Variants in MET observed in about 807,000 individuals in gnomAD.
MET encodes MET proto-oncogene, receptor tyrosine kinase.
MET carries 48 observed loss-of-function variants against 133.1 expected under a neutral mutation model. The observed-to-expected ratio is 0.36, with a 90% CI of 0.29 to 0.46. The LOEUF (loss-of-function observed/expected upper bound fraction) is 0.46, where lower values mean the gene tolerates loss of function less well. MET is among the 20% of genes least tolerant of loss of function. The pLI is 1.00. For missense variants in MET, 1,442 were observed against 1,695.9 expected (o/e 0.85, Z 2.63); for synonymous variants, 628 against 616.5 (o/e 1.02, Z -0.28).
intron 5 of MET, among the ~76,000 whole-genome samples, chr7:116,745,624 C>T (rs1392471361): frequency 6.6e-6 from 1 of 152,100 alleles, no homozygotes; most frequent in East Asian, 1.9e-4. Flanking sequence ...GAAATAATAC[C>T]ACACATCTAC....
chr7:116,788,215 C>G (rs1013790639), intron 19 of MET, among the ~76,000 whole-genome samples: 2 of 152,136 alleles, frequency 1.3e-5, no homozygotes, highest in Non-Finnish European at 2.9e-5. Context: ...AGGGAATTTT[C>G]TGGAATGTTG....
Position 116,687,865 on chromosome 7 carries a change from TTG to T in MET, c.-14-11204_-14-11203del, listed in dbSNP as rs1796616832. Among the ~76,000 whole-genome samples, 3 of 152,198 alleles carry T rather than the reference TTG, an allele frequency of 2.0e-5. 1 individual carries two copies. Among genetic ancestry groups the T allele is most frequent in the Admixed American group, 2.0e-4 (3 of 15,286 alleles). ...TTTGGCACCCTCACACCTCTCCCCT[TTG>T]TCTCTCTGTCCCTGGGTGCTGATTT... On this transcript the variant is annotated intron_variant, in intron 1 of 20. Coordinates refer to ENST00000397752, the MANE Select transcript of MET (RefSeq NM_000245.4).
chr7:116,720,481 T>G (rs1057159493), intron 2 of MET, among the ~76,000 whole-genome samples: 3 of 136,632 alleles, frequency 2.2e-5, no homozygotes, highest in African/African-American at 9.0e-5. Flanking sequence ...CTTTATTTCC[T>G]TCTCCTGCCT....
chr7:116,702,799 A>G (rs1053553454), intron 2 of MET, among the ~76,000 whole-genome samples: 1 of 152,160 alleles, frequency 6.6e-6, no homozygotes. Context: ...GTGTTGACAC[A>G]TTGCTGAAAG....
intron 11 of MET, among the ~76,000 whole-genome samples, chr7:116,767,931 T>C (rs1244207504): frequency 2.0e-5 from 3 of 150,986 alleles, no homozygotes; most frequent in Non-Finnish European, 4.4e-5. Flanking sequence ...ATCACTTTTG[T>C]AATATCTGGG....
intron 5 of MET, among the ~76,000 whole-genome samples, chr7:116,744,447 A>C (rs1009187351): frequency 2.0e-5 from 3 of 152,236 alleles, no homozygotes; most frequent in African/African-American, 7.2e-5. Context: ...TCAGAGATTG[A>C]ATATCAACTT....
At chr7:116,688,241 T>A (rs907688326) in intron 1 of MET, among the ~76,000 whole-genome samples, 80 of 152,114 alleles carry the variant, frequency 5.3e-4, no homozygotes, top group Middle Eastern at 3.2e-3. Context: ...TTTTTTTTTT[T>A]AATATATAGA....
intron 19 of MET, among the ~76,000 whole-genome samples, chr7:116,792,456 GACACACAC>G (rs56212730): frequency 0.4 from 31,981 of 80,610 alleles, 6,477 homozygotes; most frequent in South Asian, 0.51. Context: ...TCAACCGACA[GACACACAC>G]ACACACACAC....
intron 15 of MET, among the ~76,000 whole-genome samples, chr7:116,775,521 T>A (rs1794965784): frequency 1.3e-5 from 2 of 152,144 alleles, no homozygotes; most frequent in East Asian, 3.9e-4. Flanking sequence ...CTGGCCAACA[T>A]GGCAAAACCC....
rs530336927 is a variant in MET at position 116,734,064 on chromosome 7, A to G, written c.1392+2205A>G. Among the ~76,000 whole-genome samples the G allele has an allele frequency of 2.0e-5, 3 of 152,340 alleles. No homozygotes were observed. The East Asian group carries it at 5.8e-4, about 29-fold the overall frequency. On this transcript the variant is annotated intron_variant, in intron 3 of 20. Transcript: ENST00000397752. ...GAGGAGTCAGGAGTGGAGCACAGATATGGCAACCTCCCACTTTAATCTGTC... is the reference window on the plus strand; with the variant it reads ...GAGGAGTCAGGAGTGGAGCACAGATGTGGCAACCTCCCACTTTAATCTGTC...
intron 19 of MET, among the ~76,000 whole-genome samples, chr7:116,793,004 G>A (rs190300865): frequency 6.6e-6 from 1 of 152,244 alleles, no homozygotes; most frequent in East Asian, 1.9e-4. Flanking sequence ...CTTCCGTATT[G>A]TAGGTATGCA....
At chr7:116,741,067 G>GTTTTTTTTTTTTTTTTTTGTTTTGTT in intron 5 of MET, 42 bp downstream of exon 5, 1 of 1,348,778 alleles carries the variant, frequency 7.4e-7, no homozygotes, top group Non-Finnish European at 1.0e-6. Context: ...TTTGTTTGGT[G>GTTTTTTTTTTTTTTTTTTGTTTTGTT]TTTTTTTTTT....
At chr7:116,775,895 G>C (rs1374300579) in intron 15 of MET, among the ~76,000 whole-genome samples, 1 of 152,062 alleles carries the variant, frequency 6.6e-6, no homozygotes, top group Non-Finnish European at 1.5e-5. Context: ...CTGATCTAAA[G>C]CAACATATAT....
At chr7:116,795,839 G>A (rs2117109798) in intron 20 of MET, 48 bp downstream of exon 20, 2 of 1,614,136 alleles carry the variant, frequency 1.2e-6, no homozygotes, top group South Asian at 1.1e-5. Context: ...TTACAGAAAT[G>A]CCTGCCTTCA....
chr7:116,755,045 G>A (rs527599112), intron 5 of MET, among the ~76,000 whole-genome samples: 23 of 144,332 alleles, frequency 1.6e-4, no homozygotes, highest in Admixed American at 2.8e-4. Flanking sequence ...AGAAAGAAAA[G>A]AAAGAAAGAA....
chr7:116,705,175 A>G (rs1791739783), intron 2 of MET, among the ~76,000 whole-genome samples: 1 of 152,142 alleles, frequency 6.6e-6, no homozygotes, highest in Admixed American at 6.6e-5. Flanking sequence ...TAAAGATGAT[A>G]GATGAGTAAA....
At chr7:116,792,613 A>G (rs1470135868) in intron 19 of MET, among the ~76,000 whole-genome samples, 1 of 152,062 alleles carries the variant, frequency 6.6e-6, no homozygotes, top group Non-Finnish European at 1.5e-5. Flanking sequence ...TGTGGAGTGC[A>G]GACAATACAA....
Position 116,672,390 on chromosome 7 carries a change from G to C in MET, c.-202G>C. The C allele has an allele frequency of 2.7e-6, 1 of 376,904 alleles. No individual in the cohort carries two copies. The highest frequency in any genetic ancestry group is 4.7e-6 in the Non-Finnish European group (1 of 211,948). The allele number at this position is 376,904 out of a possible 1,614,324, so 23.3% of individuals were successfully genotyped here. A position where few individuals can be genotyped will look rare whatever the true frequency, so the allele number is the denominator to read the frequency against. ...GCGGGGCGCTGGGCTCAGCCCGGCC[G>C]CAGGTGACCCGGAGGCCCTCGCCGC... is the stretch of plus-strand genomic sequence containing the variant. On this transcript the variant is annotated 5_prime_UTR_variant, in exon 1 of 21. Coordinates refer to ENST00000397752, the MANE Select transcript of MET (RefSeq NM_000245.4).
chr7:116,696,070 T>A (rs1206254695), intron 1 of MET, among the ~76,000 whole-genome samples: 1 of 152,076 alleles, frequency 6.6e-6, no homozygotes, highest in Non-Finnish European at 1.5e-5. Context: ...GGGTTCACAG[T>A]GTTGGTCAGC....
Sources: gnomAD v4.1 joint callset for allele counts (sites outside exome capture counted in the v4.1 genomes callset) on GRCh38, gnomAD v4.1.1 for gene constraint, MANE v1.5 for transcripts, NCBI Gene and HGNC (gene_info 2026-07-23, HGNC 2026-07-21) for gene names.